The following GAS5 variants were observed in gnomAD, a reference collection of about 807,000 sequenced individuals.
GAS5 encodes the protein growth arrest specific 5 (non-protein coding).
chr1:173,867,295 G>C (rs1572031047), upstream of GAS5: 7 of 466,042 alleles, frequency 1.5e-5, no homozygotes, highest in East Asian at 2.6e-4. Flanking sequence ...CACGGCTGGT[G>C]GATCACCTGA....
At chr1:173,864,542 T>C (rs1367318750) in intron 6 of GAS5, 9 of 401,578 alleles carry the variant, frequency 2.2e-5, no homozygotes, top group Non-Finnish European at 3.9e-5. Flanking sequence ...CATTTAAAAT[T>C]TGCCCTACTC....
At chr1:173,866,745 G>A (rs555830112) in intron 2 of GAS5, 30 of 765,420 alleles carry the variant, frequency 3.9e-5, no homozygotes, top group East Asian at 2.9e-4. Context: ...TTTTTGAGAG[G>A]GAATTTTCAA....
At chr1:173,864,826 C>T (rs1167670517) in intron 6 of GAS5, 2 of 518,946 alleles carry the variant, frequency 3.9e-6, no homozygotes, top group African/African-American at 3.8e-5. Context: ...AATGTTACCG[C>T]CAGATACATC....
chr1:173,866,989 A>T (rs987261794), intron 1 of GAS5: 2 of 765,338 alleles, frequency 2.6e-6, no homozygotes, highest in Admixed American at 3.4e-5. Context: ...CCCAATTCTT[A>T]CCTGTCCATA....
upstream of GAS5, chr1:173,867,991 C>T (rs1655090395): frequency 6.1e-6 from 2 of 326,350 alleles, no homozygotes; most frequent in East Asian, 7.8e-5. Context: ...CTCGAAAAGA[C>T]AGTATGGTGC....
intron 6 of GAS5, chr1:173,865,260 G>A: frequency 2.6e-6 from 1 of 385,268 alleles, no homozygotes. Context: ...TCCACACAGT[G>A]TAGTCAAGCC....
chr1:173,867,967 G>T (rs531039175), upstream of GAS5: 2 of 339,274 alleles, frequency 5.9e-6, no homozygotes, highest in South Asian at 2.2e-5. Flanking sequence ...TACCTCACAG[G>T]AGTCGACTCC....
At chr1:173,866,151 G>A in intron 4 of GAS5, 1 of 480,116 alleles carries the variant, frequency 2.1e-6, no homozygotes. Flanking sequence ...CCAGTTACCT[G>A]CTTACTTGGA....
At chr1:173,868,407 T>C (rs1655156701), upstream of GAS5, 1 of 152,982 alleles carries the variant, frequency 6.5e-6, no homozygotes, top group African/African-American at 2.4e-5. Flanking sequence ...CCCCCGGAGG[T>C]AGGTGCTGCT....
upstream of GAS5, chr1:173,867,115 A>T: frequency 4.9e-6 from 3 of 610,992 alleles, no homozygotes; most frequent in South Asian, 5.9e-5. Flanking sequence ...TCTTTAAAAA[A>T]ACGGTTCGTC....
At chr1:173,865,769 A>C (rs1309430475) in intron 5 of GAS5, 3 of 518,564 alleles carry the variant, frequency 5.8e-6, no homozygotes, top group Non-Finnish European at 1.2e-5. Flanking sequence ...AGTATTCATC[A>C]GCCAAGCCTT....
At chr1:173,866,825 A>G (rs1036083529) in intron 1 of GAS5, 2 of 765,422 alleles carry the variant, frequency 2.6e-6, no homozygotes, top group Non-Finnish European at 4.8e-6. Flanking sequence ...CAAGCAAAAC[A>G]GTGAGAATGA....
chr1:173,867,205 C>G, upstream of GAS5: 1 of 546,604 alleles, frequency 1.8e-6, no homozygotes, highest in African/African-American at 1.9e-5. Context: ...TACAAAGAAG[C>G]ACTGCACCCG....
intron 3 of GAS5, chr1:173,866,523 C>T (rs1337058635): frequency 1.4e-6 from 1 of 708,584 alleles, no homozygotes; most frequent in Non-Finnish European, 2.6e-6. Flanking sequence ...ATAGAGGTGT[C>T]TCACCTGTGT....
chr1:173,866,512 A>G (rs375121382), intron 3 of GAS5: 1 of 691,708 alleles, frequency 1.4e-6, no homozygotes, highest in Non-Finnish European at 2.7e-6. Flanking sequence ...AGAAGTACAA[A>G]ATAGAGGTGT....
chr1:173,867,962 C>A (rs1024954332), upstream of GAS5: 5 of 344,700 alleles, frequency 1.5e-5, no homozygotes, highest in African/African-American at 4.3e-5. Context: ...AAACATACCT[C>A]ACAGGAGTCG....
At chr1:173,866,274 C>A in intron 3 of GAS5, 1 of 511,014 alleles carries the variant, frequency 2.0e-6, no homozygotes, top group South Asian at 1.4e-5. Context: ...CACTGCTTAA[C>A]CATTAACAGC....
upstream of GAS5, chr1:173,868,253 GAGGCA>G (rs145204276): frequency 0.092 from 14,009 of 153,006 alleles, 860 homozygotes; most frequent in East Asian, 0.31. Flanking sequence ...GAGGGGGCGC[GAGGCA>G]AGGAAAGCTC....
At chr1:173,866,586 A>G (rs920362942) in intron 2 of GAS5, 5 of 761,824 alleles carry the variant, frequency 6.6e-6, no homozygotes, top group African/African-American at 3.4e-5. Flanking sequence ...AAACAACTTC[A>G]TGTGAACTTA....
Sources: allele counts gnomAD v4.1 joint callset, GRCh38; gene constraint gnomAD v4.1.1; transcripts MANE v1.5; gene names NCBI Gene and HGNC (gene_info 2026-07-23, HGNC 2026-07-21).